The following LAMA2 variants were observed in gnomAD, a reference collection of about 807,000 sequenced individuals.
LAMA2 encodes the protein laminin subunit alpha 2, also known as laminin subunit alpha-2.
In LAMA2, 269 loss-of-function variants were observed where a neutral mutation model predicts 364.8. The observed-to-expected ratio is 0.74, with a 90% CI of 0.67 to 0.82. The LOEUF is 0.82. LAMA2 is among the 40% of genes least tolerant of loss of function. The probability of loss-of-function intolerance (pLI) is 0.00; values close to 1 mark genes in which losing one functional copy is unlikely to be tolerated. For missense variants in LAMA2, 3,807 were observed against 3,873.2 expected (o/e 0.98, Z 0.45); for synonymous variants, 1,379 against 1,370.6 (o/e 1.01, Z -0.14).
intron 40 of LAMA2, among the ~76,000 whole-genome samples, chr6:129,404,383 A>G (rs1780140539): frequency 6.6e-6 from 1 of 152,186 alleles, no homozygotes; most frequent in African/African-American, 2.4e-5. Context: ...AACATACTGG[A>G]TCATATGCTT....
At chr6:129,060,790 G>C (rs1453419652) in intron 3 of LAMA2, among the ~76,000 whole-genome samples, 2 of 152,254 alleles carry the variant, frequency 1.3e-5, no homozygotes, top group Middle Eastern at 3.4e-3. Flanking sequence ...CCAGTGTCTA[G>C]GTTCATTTTG....
intron 63 of LAMA2, among the ~76,000 whole-genome samples, chr6:129,513,141 A>G (rs982694236): frequency 6.6e-6 from 1 of 152,216 alleles, no homozygotes; most frequent in African/African-American, 2.4e-5. Context: ...TTTGGTTATT[A>G]AATAGGAATC....
At chr6:128,930,042 G>T in intron 1 of LAMA2, 1 of 418,066 alleles carries the variant, frequency 2.4e-6, no homozygotes, top group Admixed American at 4.1e-5. Context: ...GGGGCGCCGT[G>T]GCGCCCGCAG....
At chr6:129,213,633 G>A (rs781692818) in intron 12 of LAMA2, among the ~76,000 whole-genome samples, 7 of 152,154 alleles carry the variant, frequency 4.6e-5, no homozygotes, top group South Asian at 4.1e-4. Context: ...GTAAGATGAT[G>A]AGCATGTTTT....
At chr6:129,468,533 G>A (rs1783655246) in intron 51 of LAMA2, among the ~76,000 whole-genome samples, 1 of 151,778 alleles carries the variant, frequency 6.6e-6, no homozygotes, top group Non-Finnish European at 1.5e-5. Context: ...AATGGAAAAA[G>A]CAAATGTTAT....
chr6:128,943,803 G>T (rs1171937969), intron 1 of LAMA2, among the ~76,000 whole-genome samples: 1 of 152,178 alleles, frequency 6.6e-6, no homozygotes, highest in Non-Finnish European at 1.5e-5. Context: ...GAATACCATA[G>T]TAGGTCCTTC....
At chr6:128,889,420 T>A (rs1265514491) in intron 1 of LAMA2, among the ~76,000 whole-genome samples, 3 of 152,214 alleles carry the variant, frequency 2.0e-5, no homozygotes, top group African/African-American at 7.2e-5. Context: ...GTTACTGTTT[T>A]AAGAATCACT....
chr6:129,014,010 A>T (rs1210406574), intron 1 of LAMA2, among the ~76,000 whole-genome samples: 1 of 152,198 alleles, frequency 6.6e-6, no homozygotes, highest in African/African-American at 2.4e-5. Flanking sequence ...GAGAAACTTT[A>T]GATAAGGCAG....
chr6:129,300,114 A>G (rs1055141659), intron 21 of LAMA2, among the ~76,000 whole-genome samples: 19 of 152,336 alleles, frequency 1.2e-4, no homozygotes, highest in African/African-American at 4.6e-4. Flanking sequence ...TGAATATTGC[A>G]TGATAGCAAC....
At chr6:128,972,282 A>G (rs1479406707) in intron 1 of LAMA2, among the ~76,000 whole-genome samples, 1 of 152,214 alleles carries the variant, frequency 6.6e-6, no homozygotes, top group Admixed American at 6.5e-5. Context: ...TTAATTAAGA[A>G]CACTAGATTT....
At chr6:129,053,666 G>A (rs1788253805) in intron 2 of LAMA2, among the ~76,000 whole-genome samples, 1 of 152,186 alleles carries the variant, frequency 6.6e-6, no homozygotes, top group African/African-American at 2.4e-5. Flanking sequence ...AATTGAGTAA[G>A]AAAAGCATAA....
chr6:129,324,185 CTTTATT>C (rs1775134380), intron 28 of LAMA2, among the ~76,000 whole-genome samples: 1 of 152,064 alleles, frequency 6.6e-6, no homozygotes, highest in Non-Finnish European at 1.5e-5. Flanking sequence ...ATCATGGTAT[CTTTATT>C]TTTAGTTTAT....
intron 45 of LAMA2, among the ~76,000 whole-genome samples, chr6:129,449,682 C>T (rs556416009): frequency 6.6e-6 from 1 of 151,924 alleles, no homozygotes; most frequent in East Asian, 1.9e-4. Context: ...GTATTCTATA[C>T]AATAGATTGG....
At chr6:129,225,912 C>T (rs1191154115) in intron 12 of LAMA2, among the ~76,000 whole-genome samples, 1 of 152,156 alleles carries the variant, frequency 6.6e-6, no homozygotes, top group Non-Finnish European at 1.5e-5. Context: ...TCTCGTTGAT[C>T]TGTCTAATGT....
chr6:129,328,156 T>C (rs768990876), intron 28 of LAMA2, 122 bp from the exon 29 acceptor site: 6 of 836,734 alleles, frequency 7.2e-6, no homozygotes, highest in Non-Finnish European at 1.2e-5. Context: ...CGTTTGTAAG[T>C]GATGTTGCCC....
In LAMA2 at chr6:129,280,005, G is replaced by A. The variant is rs916077976; in HGVS notation, c.2451-56G>A. 9.7e-6 allele frequency: 11 copies of A among 1,131,604 alleles called. No homozygotes were observed. The African/African-American group carries it at 1.4e-4, about 14-fold the overall frequency. The allele number at this position is 1,131,604 out of a possible 1,614,324, so 70.1% of individuals were successfully genotyped here. A position where few individuals can be genotyped will look rare whatever the true frequency, so the allele number is the denominator to read the frequency against. The stretch of plus-strand genomic sequence containing the variant: ...GAGAGAGAAATGAGAAAATGCTAAT[G>A]ACTTTGTGTATGTCCTTCTTCCTTG... On this transcript the variant is annotated intron_variant, in intron 17 of 64. Coordinates refer to ENST00000421865, the MANE Select transcript of LAMA2 (RefSeq NM_000426.4).
At chr6:129,055,970 T>C (rs1273095866) in intron 2 of LAMA2, among the ~76,000 whole-genome samples, 1 of 152,256 alleles carries the variant, frequency 6.6e-6, no homozygotes, top group East Asian at 1.9e-4. Context: ...TGGTTAATTG[T>C]TGATTCATCT....
At chr6:129,233,550 A>G (rs569376783) in intron 12 of LAMA2, among the ~76,000 whole-genome samples, 3 of 152,326 alleles carry the variant, frequency 2.0e-5, no homozygotes, top group African/African-American at 4.8e-5. Context: ...GTGTTAATCA[A>G]GTGAAAGTTG....
chr6:129,385,450 A>G (rs1778961163), intron 35 of LAMA2, among the ~76,000 whole-genome samples: 1 of 152,016 alleles, frequency 6.6e-6, no homozygotes. Context: ...ATGAGGGATA[A>G]CCATCAGTAC....
Sources: gnomAD v4.1 joint callset for allele counts (sites outside exome capture counted in the v4.1 genomes callset) on GRCh38, gnomAD v4.1.1 for gene constraint, MANE v1.5 for transcripts, NCBI Gene and HGNC (gene_info 2026-07-23, HGNC 2026-07-21) for gene names.